EHBP1: variants seen among roughly 807,000 people sequenced by gnomAD.
EHBP1 encodes EH domain binding protein 1.
In EHBP1, 55 loss-of-function variants were observed where a neutral mutation model predicts 144.0. That is an observed-to-expected ratio of 0.38 (90% CI 0.31 to 0.48). The LOEUF (loss-of-function observed/expected upper bound fraction) is 0.48. Among genes scored for constraint, EHBP1 ranks in the 20% least tolerant of loss-of-function variants. The pLI is 0.98. For missense variants in EHBP1, 1,200 were observed against 1,364.2 expected, an observed-to-expected ratio of 0.88 and a Z score of 1.90; for synonymous variants, 469 against 472.7, an observed-to-expected ratio of 0.99 and a Z score of 0.10.
At chr2:62,688,617 T>C (rs1371268536) in intron 1 of EHBP1, among the ~76,000 whole-genome samples, 1 of 152,162 alleles carries the variant, frequency 6.6e-6, no homozygotes, top group Admixed American at 6.6e-5. Flanking sequence ...TCTCCCCCTA[T>C]TCCCCTCTTT....
intron 14 of EHBP1, among the ~76,000 whole-genome samples, chr2:62,961,841 C>A (rs1286714268): frequency 6.6e-6 from 1 of 151,898 alleles, no homozygotes; most frequent in East Asian, 1.9e-4. Context: ...ACCAGCGTGA[C>A]CAACATGGTG....
At chr2:62,761,282 C>T (rs2040746995) in intron 3 of EHBP1, among the ~76,000 whole-genome samples, 1 of 152,086 alleles carries the variant, frequency 6.6e-6, no homozygotes, top group South Asian at 2.1e-4. Flanking sequence ...ATCAAGAAAA[C>T]TCTGTTCTGT....
At position 63,006,182 on chromosome 2, in the gene EHBP1, A is replaced by G. The variant is rs542624434; in HGVS notation, c.3103+9416A>G. On this transcript the variant is annotated intron_variant, in intron 19 of 22. Coordinates refer to ENST00000431489, the MANE Select transcript of EHBP1 (RefSeq NM_001142616.3). ...CATTCATCTTTTGGCTCCCTCAAGG[A>G]GTCAACAGTGCTTTGCACATAAATG... 2.9e-4 allele frequency among the ~76,000 whole-genome samples: 44 copies of G among 152,094 alleles called. No individual in the cohort carries two copies. In the South Asian group the frequency reaches 3.3e-3, roughly 11 times the overall value.
chr2:62,921,374 G>A (rs2055063804), intron 10 of EHBP1, among the ~76,000 whole-genome samples: 1 of 152,012 alleles, frequency 6.6e-6, no homozygotes, highest in Non-Finnish European at 1.5e-5. Flanking sequence ...TAGCCTGGGA[G>A]GCAGAGGTTG....
intron 3 of EHBP1, among the ~76,000 whole-genome samples, chr2:62,761,084 AAGTT>A (rs1347665753): frequency 6.6e-6 from 1 of 152,254 alleles, no homozygotes; most frequent in East Asian, 1.9e-4. Flanking sequence ...AGGTTGTTAT[AAGTT>A]TTCAGAATTA....
intron 5 of EHBP1, among the ~76,000 whole-genome samples, chr2:62,785,489 G>A (rs2042741382): frequency 7.2e-5 from 11 of 152,156 alleles, no homozygotes; most frequent in Admixed American, 7.2e-4. Flanking sequence ...GGAGGTCAGA[G>A]AGTGTAGGGT....
intron 10 of EHBP1, among the ~76,000 whole-genome samples, chr2:62,925,594 T>C (rs1362426807): frequency 6.6e-6 from 1 of 152,106 alleles, no homozygotes. Flanking sequence ...ATACAAAATT[T>C]GTATATTAAA....
chr2:62,745,204 T>G lies in EHBP1; in HGVS notation c.105-2191T>G, dbSNP rs559547284. Among the ~76,000 whole-genome samples, 124 of 152,244 alleles carry G rather than the reference T, an allele frequency of 8.1e-4. 1 individual carries two copies. The highest frequency in any genetic ancestry group is 2.7e-3 in the Admixed American group (41 of 15,268). ...TGAACCTCAACCTTGTACTAGATTA[T>G]TAGTTGGTAGGATTACAAAGATAAA... On this transcript the variant is annotated intron_variant, in intron 2 of 22. Coordinates refer to ENST00000431489, the MANE Select transcript of EHBP1 (RefSeq NM_001142616.3).
intron 19 of EHBP1, among the ~76,000 whole-genome samples, chr2:63,003,349 A>C (rs2059919590): frequency 6.6e-6 from 1 of 152,056 alleles, no homozygotes; most frequent in Non-Finnish European, 1.5e-5. Flanking sequence ...AATTCTTCAC[A>C]TTTTTTATTA....
intron 10 of EHBP1, 31 bp from the exon 11 acceptor site, chr2:62,942,687 T>C (rs958147505): frequency 6.5e-7 from 1 of 1,540,766 alleles, no homozygotes; most frequent in Non-Finnish European, 8.8e-7. Context: ...TTAAATTCTT[T>C]TAATGTTTTC....
intron 19 of EHBP1, among the ~76,000 whole-genome samples, chr2:63,031,308 C>T (rs2061238309): frequency 6.6e-6 from 1 of 152,050 alleles, no homozygotes; most frequent in Non-Finnish European, 1.5e-5. Flanking sequence ...GGGGAGGCAT[C>T]CATCTGTAAG....
intron 7 of EHBP1, among the ~76,000 whole-genome samples, chr2:62,834,411 T>C (rs1190867350): frequency 6.6e-6 from 1 of 152,200 alleles, no homozygotes; most frequent in African/African-American, 2.4e-5. Context: ...TTACCCAACC[T>C]TCAGCAACCA....
chr2:62,809,430 G>A (rs1201220862), intron 5 of EHBP1, among the ~76,000 whole-genome samples: 1 of 152,074 alleles, frequency 6.6e-6, no homozygotes, highest in African/African-American at 2.4e-5. Context: ...TCAAGCTCTT[G>A]GAAGTAAAAC....
chr2:62,939,333 G>A (rs1269356321), intron 10 of EHBP1, among the ~76,000 whole-genome samples: 1 of 152,112 alleles, frequency 6.6e-6, no homozygotes, highest in Non-Finnish European at 1.5e-5. Flanking sequence ...GGAGTGCAGT[G>A]GTGCAATCTC....
intron 7 of EHBP1, among the ~76,000 whole-genome samples, chr2:62,854,508 C>T (rs915184247): frequency 6.6e-6 from 1 of 152,102 alleles, no homozygotes; most frequent in African/African-American, 2.4e-5. Context: ...ACTTAGTGGC[C>T]TTTGCAGGGT....
chr2:62,957,702 G>C (rs145653336), intron 14 of EHBP1, among the ~76,000 whole-genome samples: 2 of 130,816 alleles, frequency 1.5e-5, no homozygotes, highest in Non-Finnish European at 3.1e-5. Flanking sequence ...CTGGAGCGCA[G>C]TGGTGCGATC....
chr2:62,972,218 C>A (rs2058530166), intron 14 of EHBP1, among the ~76,000 whole-genome samples: 1 of 152,150 alleles, frequency 6.6e-6, no homozygotes, highest in Non-Finnish European at 1.5e-5. Flanking sequence ...ACCAAAACCA[C>A]ATTTCTTAGG....
chr2:62,785,214 C>G (rs1044398550), intron 5 of EHBP1, among the ~76,000 whole-genome samples: 1 of 151,968 alleles, frequency 6.6e-6, no homozygotes, highest in African/African-American at 2.4e-5. Flanking sequence ...GACTTTGCAA[C>G]CCATTAAAAT....
chr2:62,881,023 G>C (rs1169465989), intron 10 of EHBP1, among the ~76,000 whole-genome samples: 4 of 146,828 alleles, frequency 2.7e-5, no homozygotes, highest in Non-Finnish European at 6.1e-5. Context: ...TAATGAAAAT[G>C]TGGTATATAT....
Sources: allele counts gnomAD v4.1 joint callset (sites outside exome capture counted in the v4.1 genomes callset), GRCh38; gene constraint gnomAD v4.1.1; transcripts MANE v1.5; gene names NCBI Gene and HGNC (gene_info 2026-07-23, HGNC 2026-07-21).